SPTAN1: variants seen among roughly 807,000 people sequenced by gnomAD.
SPTAN1 encodes spectrin alpha chain, non-erythrocytic 1.
A neutral mutation model predicts 331.3 loss-of-function variants in SPTAN1; 61 were observed. The ratio of observed to expected loss-of-function variants is 0.18; its 90% CI spans 0.15 to 0.23. SPTAN1 has a LOEUF of 0.23. Among genes scored for constraint, SPTAN1 ranks in the 10% least tolerant of loss-of-function variants. The pLI, the probability that SPTAN1 is intolerant of heterozygous loss-of-function variation, is 1.00. For missense variants in SPTAN1, 2,043 were observed against 3,147.9 expected (o/e 0.65, Z 8.40); for synonymous variants, 1,153 against 1,173.9 (o/e 0.98, Z 0.36).
rs755434212 is a variant in SPTAN1, at chr9:128,618,959, C to T, written c.5689C>T (p.Leu1897=). 3 of 1,613,936 alleles carry T rather than the reference C, an allele frequency of 1.9e-6. No individual in the cohort carries two copies. The African/African-American group carries it at 4.0e-5, about 22-fold the overall frequency. ...AGCCTGGATCAATGAGAAAATGACC[C>T]TGGTGGCCAGCGAAGATTATGGCGA... ...EEAWINEKMT[L]VASEDYGDTL... is the part of the protein sequence containing the mutation. The change falls in exon 44 of 57, where the codon CTG becomes TTG. Residue 1897 remains leucine, a synonymous_variant. Coordinates refer to ENST00000372739, the MANE Select transcript of SPTAN1 (RefSeq NM_001130438.3).
In SPTAN1 at chr9:128,607,658, A is replaced by G. The variant is rs1375678977; in HGVS notation, c.4101A>G (p.Leu1367=). Residue 1367 remains leucine (L), a synonymous_variant, in exon 32 of 57, where the codon CTA becomes CTG. Transcript: ENST00000372739. ...GGGGGTTGGTGTCCTCAGATGAGCT[A>G]GCCAAGGATGTCACCGGAGCTGAGG... The part of the protein sequence containing the change: ...GIRGLVSSDE[L]AKDVTGAEAL... The G allele has an allele frequency of 6.2e-7, 1 of 1,614,080 alleles. No individual in the cohort carries two copies. Among genetic ancestry groups the G allele is most frequent in the East Asian group, 2.2e-5 (1 of 44,882 alleles).
At chr9:128,586,392 C>CA in intron 19 of SPTAN1, among the ~76,000 whole-genome samples, 1 of 152,140 alleles carries the variant, frequency 6.6e-6, no homozygotes, top group Admixed American at 6.5e-5. Flanking sequence ...CAAAGCCTCC[C>CA]AAAATGCTAG....
At chr9:128,586,071 T>C in intron 19 of SPTAN1, 106 bp downstream of exon 19, 1 of 902,314 alleles carries the variant, frequency 1.1e-6, no homozygotes, top group Admixed American at 2.1e-5. Context: ...TGCATTACAG[T>C]GATTGTTTTT....
chr9:128,610,972 A>G (rs556581163), intron 37 of SPTAN1, among the ~76,000 whole-genome samples: 1 of 152,350 alleles, frequency 6.6e-6, no homozygotes, highest in African/African-American at 2.4e-5. Context: ...ATTTTGCTTA[A>G]TGGTGATTTC....
In SPTAN1 at chr9:128,585,887, C is replaced by T. The variant is rs147466898; in HGVS notation, c.2700C>T (p.Asn900=). The T allele has an allele frequency of 5.8e-4, 944 of 1,613,848 alleles. 1 individual carries two copies. Among genetic ancestry groups the T allele is most frequent in the Non-Finnish European group, 7.4e-4 (876 of 1,180,030 alleles). The part of the protein sequence containing the change: ...LQAQQYFADA[N]EAESWMREKE... ...CCCAGCAGTACTTTGCTGATGCTAA[C>T]GAGGCTGAATCCTGGATGCGGGAGA... Residue 900 remains asparagine (N), a synonymous_variant, in exon 19 of 57, where the codon AAC becomes AAT. Coordinates refer to ENST00000372739, the MANE Select transcript of SPTAN1 (RefSeq NM_001130438.3).
At chr9:128,612,981 A>G (rs1856739808) in intron 39 of SPTAN1, among the ~76,000 whole-genome samples, 1 of 152,090 alleles carries the variant, frequency 6.6e-6, no homozygotes, top group Admixed American at 6.6e-5. Context: ...GAGCCATGCC[A>G]TAATGTAACC....
At chr9:128,568,736 G>T in intron 2 of SPTAN1, 36 bp from the exon 3 acceptor site, 2 of 1,613,150 alleles carry the variant, frequency 1.2e-6, no homozygotes, top group Middle Eastern at 3.5e-4. Flanking sequence ...ATGCTGTGTG[G>T]TTGCGTCTGA....
chr9:128,577,282 T>C lies in SPTAN1; in HGVS notation c.930+9T>C. ...CTGCTCTAGAAGACAAGGTGGGTTTTACAAGCAGCTGATTCTGTAAATAAG... is the reference window on the plus strand; with the variant it reads ...CTGCTCTAGAAGACAAGGTGGGTTTCACAAGCAGCTGATTCTGTAAATAAG... On this transcript the variant is annotated intron_variant, in intron 7 of 56. Transcript: ENST00000372739. This position sits in a 1 kb window ranked among gnomAD's most constrained non-coding sequence, Gnocchi z 4.2. 1 of 1,614,236 alleles carries C rather than the reference T, an allele frequency of 6.2e-7. No individual in the cohort carries two copies. Among genetic ancestry groups the C allele is most frequent in the Non-Finnish European group, 8.5e-7 (1 of 1,180,042 alleles).
chr9:128,611,058 G>A (rs1246449928), intron 37 of SPTAN1, among the ~76,000 whole-genome samples: 2 of 152,192 alleles, frequency 1.3e-5, no homozygotes, highest in African/African-American at 4.8e-5. Context: ...GCCATGGATG[G>A]AAATTGATGT....
At chr9:128,571,788 T>C (rs1850758262) in intron 3 of SPTAN1, among the ~76,000 whole-genome samples, 1 of 152,158 alleles carries the variant, frequency 6.6e-6, no homozygotes, top group African/African-American at 2.4e-5. Context: ...AGTCACACAG[T>C]TGATAGATGA....
At chr9:128,554,002 G>A (rs80314885) in intron 1 of SPTAN1, among the ~76,000 whole-genome samples, 2,980 of 152,210 alleles carry the variant, frequency 0.02, 101 homozygotes, top group African/African-American at 0.067. Context: ...TCAAGGTTCC[G>A]ACTCCTTAAC....
In SPTAN1 at chr9:128,606,353, C is replaced by T. The variant is rs1221338365; in HGVS notation, c.4046+876C>T. Among the ~76,000 whole-genome samples the T allele has an allele frequency of 4.1e-5, 4 of 97,102 alleles. No homozygotes were observed. The East Asian group carries it at 1.5e-3, about 35-fold the overall frequency. The allele number at this position is 97,102 out of a possible 152,430, so 63.7% of individuals were successfully genotyped here. A position where few individuals can be genotyped will look rare whatever the true frequency, so the allele number is the denominator to read the frequency against. On this transcript the variant is annotated intron_variant, in intron 31 of 56. Coordinates refer to ENST00000372739, the MANE Select transcript of SPTAN1 (RefSeq NM_001130438.3). ...TCGCACCACCGTACTCTAGCCTGGG[C>T]GATGGAGCAAGACTCTGCCTCAAAA...
At position 128,584,436 on chromosome 9, in the gene SPTAN1, C is replaced by A. The variant is rs868382326; in HGVS notation, c.2348C>A (p.Ser783Tyr). ...GCCCGGAAGCAGAAGCTGGCCGATT[C>A]TCTGCGGTTGCAGCAGCTCTTCCGG... ...MVARKQKLADSLRLQQLFRDV... is the reference protein window; with the variant it reads ...MVARKQKLADYLRLQQLFRDV... The change falls in exon 17 of 57, where the codon TCT (serine) becomes TAT (tyrosine). Residue 783 changes from serine to tyrosine, a missense_variant. Coordinates refer to ENST00000372739, the MANE Select transcript of SPTAN1 (RefSeq NM_001130438.3). The A allele has an allele frequency of 6.2e-7, 1 of 1,614,174 alleles. No homozygotes were observed. Among genetic ancestry groups the A allele is most frequent in the South Asian group, 1.1e-5 (1 of 91,072 alleles).
Position 128,591,522 on chromosome 9 carries a change from G to C in SPTAN1, c.3052G>C (p.Ala1018Pro), listed in dbSNP as rs144489058. 6.2e-7 allele frequency: 1 copy of C among 1,614,118 alleles called. No individual in the cohort carries two copies. The highest frequency in any genetic ancestry group is 8.5e-7 in the Non-Finnish European group (1 of 1,180,028). ...GAACGATCGTCAGGGTTTTGTGCCGGCTGCGTACGTGAAGAAATTGGACCC... is the reference window on the plus strand; with the variant it reads ...GAACGATCGTCAGGGTTTTGTGCCGCCTGCGTACGTGAAGAAATTGGACCC... ...EVNDRQGFVPAAYVKKLDPAQ... is the reference protein window; with the variant it reads ...EVNDRQGFVPPAYVKKLDPAQ... The change falls in exon 22 of 57, where the codon GCT (alanine) becomes CCT (proline). Residue 1018 changes from alanine (A) to proline (P), a missense_variant. Transcript: ENST00000372739.
Position 128,633,311 on chromosome 9 carries a change from A to G in SPTAN1, c.7411A>G (p.Thr2471Ala), listed in dbSNP as rs1589423479. ...CACCGCGTTCGACTACGTGGAGTTC[A>G]CCCGCTCGCTTTTCGTGAACTGAGC... ...LPTAFDYVEFTRSLFVN is the reference protein window; with the variant it reads ...LPTAFDYVEFARSLFVN The change falls in exon 57 of 57, where the codon ACC becomes GCC. Residue 2471 changes from threonine to alanine, a missense_variant. Around this residue, in one of 12 missense-constraint regions of SPTAN1, gnomAD observed 88 missense variants for 96.5 expected, o/e 0.91. Coordinates refer to ENST00000372739, the MANE Select transcript of SPTAN1 (RefSeq NM_001130438.3). 6.8e-6 allele frequency: 11 copies of G among 1,613,828 alleles called. No individual in the cohort carries two copies. Among genetic ancestry groups the G allele is most frequent in the Non-Finnish European group, 9.3e-6 (11 of 1,180,010 alleles).
At chr9:128,599,988 C>A in intron 26 of SPTAN1, 92 bp from the exon 27 acceptor site, 1 of 1,355,190 alleles carries the variant, frequency 7.4e-7, no homozygotes, top group South Asian at 1.2e-5. Context: ...GGGATCTCCC[C>A]TGGGGGAAAC....
At chr9:128,567,122 C>T (rs1297437404) in intron 2 of SPTAN1, 145 bp downstream of exon 2, 4 of 1,214,380 alleles carry the variant, frequency 3.3e-6, no homozygotes, top group African/African-American at 1.5e-5. Flanking sequence ...TCATTGTTTT[C>T]CTGTATTAGT....
chr9:128,588,646 T>A (rs1853003088), intron 20 of SPTAN1, among the ~76,000 whole-genome samples, 163 bp from the exon 21 acceptor site: 1 of 152,150 alleles, frequency 6.6e-6, no homozygotes, highest in Non-Finnish European at 1.5e-5. Context: ...ACCAAAAATT[T>A]AAAGTTCTTG....
In SPTAN1 at chr9:128,594,344, C is replaced by A; in HGVS notation, c.3385C>A (p.Leu1129Ile). ...AGCAGACTTGGAGCAGGTTGAGGTG[C>A]TCCAGAAGAAGTTTGATGACTTCCA... ...VGADLEQVEV[L>I]QKKFDDFQKD... The change falls in exon 24 of 57, where the codon CTC becomes ATC. Residue 1129 changes from leucine (L) to isoleucine (I), a missense_variant. By Grantham distance (5) the Leu-to-Ile change is conservative. Coordinates refer to ENST00000372739, the MANE Select transcript of SPTAN1 (RefSeq NM_001130438.3). The A allele has an allele frequency of 6.2e-7, 1 of 1,613,854 alleles. No homozygotes were observed.
Sources: allele counts gnomAD v4.1 joint callset (sites outside exome capture counted in the v4.1 genomes callset), GRCh38; gene constraint gnomAD v4.1.1; regional missense constraint gnomAD v4.1.1; non-coding constraint Gnocchi (gnomAD v3.1); transcripts MANE v1.5; gene names NCBI Gene and HGNC (gene_info 2026-07-23, HGNC 2026-07-21).